Variants in GPM6A observed in about 807,000 individuals in gnomAD.
The protein encoded by GPM6A is neuronal membrane glycoprotein M6-a.
A neutral mutation model predicts 32.1 loss-of-function variants in GPM6A; 7 were observed. The ratio of observed to expected loss-of-function variants is 0.22; its 90% CI spans 0.12 to 0.41. GPM6A has a LOEUF of 0.41. GPM6A is among the 10% of genes least tolerant of loss of function. The pLI, the probability that GPM6A is intolerant of heterozygous loss-of-function variation, is 1.00. For missense variants in GPM6A, 235 were observed against 347.2 expected (o/e 0.68, Z 2.57); for synonymous variants, 130 against 123.4 (o/e 1.05, Z -0.35).
chr4:175,729,085 A>G (rs971440319), intron 1 of GPM6A, among the ~76,000 whole-genome samples: 1 of 152,168 alleles, frequency 6.6e-6, no homozygotes, highest in Non-Finnish European at 1.5e-5. Flanking sequence ...TGTATTAGCC[A>G]TATTAATTTC....
At chr4:175,778,560 G>A (rs1180853025) in intron 1 of GPM6A, among the ~76,000 whole-genome samples, 2 of 145,158 alleles carry the variant, frequency 1.4e-5, no homozygotes, top group Admixed American at 1.4e-4. Context: ...GGGAGGTGGA[G>A]GTTGCAGTGA....
At chr4:175,666,195 C>A (rs889473772) in intron 3 of GPM6A, among the ~76,000 whole-genome samples, 1 of 152,126 alleles carries the variant, frequency 6.6e-6, no homozygotes, top group African/African-American at 2.4e-5. Context: ...GCTGGGATTA[C>A]ATGCGTGAGC....
At chr4:175,795,317 C>A (rs1248428745) in intron 1 of GPM6A, among the ~76,000 whole-genome samples, 1 of 152,184 alleles carries the variant, frequency 6.6e-6, no homozygotes, top group Admixed American at 6.5e-5. Context: ...TCTTCGAAGG[C>A]ACTCAATAAT....
At chr4:175,771,502 C>A (rs1369120534) in intron 1 of GPM6A, among the ~76,000 whole-genome samples, 4 of 139,748 alleles carry the variant, frequency 2.9e-5, no homozygotes, top group Non-Finnish European at 3.0e-5. Context: ...ACCTGGGAGG[C>A]AGAGGCTGCA....
chr4:175,843,945 G>A (rs768377193), intron 1 of GPM6A, among the ~76,000 whole-genome samples: 32 of 152,178 alleles, frequency 2.1e-4, no homozygotes, highest in African/African-American at 7.0e-4. Flanking sequence ...AAATCAGTCC[G>A]GAGAGAATCC....
At chr4:175,945,636 G>A (rs1739570345) in intron 1 of GPM6A, among the ~76,000 whole-genome samples, 1 of 150,456 alleles carries the variant, frequency 6.6e-6, no homozygotes, top group Non-Finnish European at 1.5e-5. Flanking sequence ...TAAGTTGCAA[G>A]TAATATAACT....
intron 1 of GPM6A, among the ~76,000 whole-genome samples, chr4:175,889,105 C>T (rs1737550513): frequency 6.6e-6 from 1 of 152,082 alleles, no homozygotes; most frequent in Admixed American, 6.6e-5. Context: ...AATTCCTATT[C>T]AAATTATGCA....
At chr4:175,849,972 A>G (rs1022134851) in intron 1 of GPM6A, among the ~76,000 whole-genome samples, 4 of 152,172 alleles carry the variant, frequency 2.6e-5, no homozygotes, top group Admixed American at 6.6e-5. Context: ...ATAAATAGAG[A>G]ATAGTGACTT....
intron 1 of GPM6A, among the ~76,000 whole-genome samples, chr4:175,768,698 T>C (rs937155173): frequency 1.3e-5 from 2 of 152,182 alleles, no homozygotes; most frequent in African/African-American, 4.8e-5. Flanking sequence ...ACTTCACATG[T>C]ATCACCAAAG....
At chr4:175,726,248 C>T (rs957251444) in intron 1 of GPM6A, among the ~76,000 whole-genome samples, 23 of 152,030 alleles carry the variant, frequency 1.5e-4, no homozygotes, top group African/African-American at 5.6e-4. Context: ...ATCTGCCCTC[C>T]TCGGCCTCCC....
At chr4:175,881,134 A>G (rs1164318469) in intron 1 of GPM6A, among the ~76,000 whole-genome samples, 1 of 152,236 alleles carries the variant, frequency 6.6e-6, no homozygotes, top group Non-Finnish European at 1.5e-5. Context: ...AAAGAACTCA[A>G]ACAAATTTAC....
At chr4:175,770,114 C>T (rs536693216) in intron 1 of GPM6A, among the ~76,000 whole-genome samples, 96 of 152,254 alleles carry the variant, frequency 6.3e-4, no homozygotes, top group African/African-American at 2.3e-3. Flanking sequence ...GCAACCTCTG[C>T]CTCCCAGGTT....
rs140610853 is a variant in GPM6A at position 175,909,998 on chromosome 4, G to A, written c.-23+92311C>T. On this transcript the variant is annotated intron_variant, in intron 1 of 7. Coordinates refer to the GPM6A transcript ENST00000280187. ...AGTTTCAGAGTAGTCCCTGGGGCAT[G>A]TTATGGTCCAGTGGTGTGCTAGTAA... 1.9e-3 allele frequency among the ~76,000 whole-genome samples: 285 copies of A among 152,288 alleles called. 1 individual carries two copies. The highest frequency in any genetic ancestry group is 6.4e-3 in the African/African-American group (265 of 41,576).
At chr4:175,780,130 C>T (rs1236304417) in intron 1 of GPM6A, among the ~76,000 whole-genome samples, 1 of 151,740 alleles carries the variant, frequency 6.6e-6, no homozygotes, top group Non-Finnish European at 1.5e-5. Context: ...TCACTGCAAC[C>T]TCCGCCTCCC....
chr4:175,639,952 T>C lies in GPM6A; in HGVS notation c.684+177A>G, dbSNP rs930835457. The stretch of plus-strand genomic sequence containing the variant: ...CTCAATATGGTAATAATAATATTTC[T>C]TGGGGTTTAGTCTTGTTGTTGACTT... On this transcript the variant is annotated intron_variant, in intron 6 of 6. Coordinates refer to ENST00000393658, the MANE Select transcript of GPM6A (RefSeq NM_201591.3). Among the ~76,000 whole-genome samples the C allele has an allele frequency of 1.5e-4, 22 of 151,712 alleles. 1 individual carries two copies. Among genetic ancestry groups the C allele is most frequent in the Admixed American group, 1.0e-3 (16 of 15,244 alleles).
At chr4:175,942,315 A>G (rs1739438645) in intron 1 of GPM6A, among the ~76,000 whole-genome samples, 1 of 152,096 alleles carries the variant, frequency 6.6e-6, no homozygotes, top group Non-Finnish European at 1.5e-5. Flanking sequence ...ATTTTCTCCC[A>G]TTCTGTAGGT....
At chr4:175,918,218 T>C (rs755912216) in intron 1 of GPM6A, among the ~76,000 whole-genome samples, 6 of 152,122 alleles carry the variant, frequency 3.9e-5, no homozygotes, top group Non-Finnish European at 5.9e-5. Flanking sequence ...TAACCATATG[T>C]GCAAGCTATG....
intron 1 of GPM6A, among the ~76,000 whole-genome samples, chr4:175,964,276 TA>T (rs1188392387): frequency 7.1e-6 from 1 of 141,030 alleles, no homozygotes. Context: ...CACCAAACTC[TA>T]TGTTGTCCAA....
chr4:175,822,628 T>G (rs1560951636), intron 1 of GPM6A, among the ~76,000 whole-genome samples: 1 of 149,852 alleles, frequency 6.7e-6, no homozygotes, highest in South Asian at 2.1e-4. Flanking sequence ...GTATTTGAGA[T>G]AATTTATTTA....
Sources: allele counts gnomAD v4.1 joint callset (sites outside exome capture counted in the v4.1 genomes callset), GRCh38; gene constraint gnomAD v4.1.1; transcripts MANE v1.5; gene names NCBI Gene and HGNC (gene_info 2026-07-23, HGNC 2026-07-21).